The following PHEX variants were observed in gnomAD, a reference collection of about 807,000 sequenced individuals.
The protein encoded by PHEX is phosphate regulating endopeptidase X-linked, also known as phosphate-regulating neutral endopeptidase PHEX.
A neutral mutation model predicts 68.0 loss-of-function variants in PHEX; 16 were observed. That is an observed-to-expected ratio of 0.24 (90% confidence interval 0.16 to 0.36). The LOEUF (loss-of-function observed/expected upper bound fraction) is 0.36, where lower values mean the gene tolerates loss of function less well. Among genes scored for constraint, PHEX ranks in the 10% least tolerant of loss-of-function variants. The pLI is 1.00. For synonymous variants in PHEX, 208 were observed against 205.1 expected, an observed-to-expected ratio of 1.01 and a Z score of -0.12; for missense variants, 480 against 575.5, an observed-to-expected ratio of 0.83 and a Z score of 1.70.
intron 15 of PHEX, among the ~76,000 whole-genome samples, chrX:22,203,450 G>A (rs1292414847): frequency 9.1e-6 from 1 of 110,135 alleles, no homozygotes; most frequent in Non-Finnish European, 1.9e-5. Context: ...TTTCTGGAAA[G>A]GGGAAGGTTG....
At chrX:22,040,090 A>G (rs1237804552) in intron 2 of PHEX, among the ~76,000 whole-genome samples, 2 of 111,888 alleles carry the variant, frequency 1.8e-5, no homozygotes, top group Non-Finnish European at 3.8e-5. Context: ...CTCCTAAATC[A>G]GTGTTAGGGC....
chrX:22,223,942 G>C (rs1239641821), intron 18 of PHEX, among the ~76,000 whole-genome samples: 2 of 112,557 alleles, frequency 1.8e-5, no homozygotes, highest in African/African-American at 3.2e-5. Flanking sequence ...TCATCACTCT[G>C]TCTTAGGTTC....
intron 15 of PHEX, among the ~76,000 whole-genome samples, chrX:22,209,744 G>GCTCCCTCTCCTCCCTCTCCTCCCTCTC (rs1215563079): frequency 1.5e-5 from 1 of 68,364 alleles, no homozygotes; most frequent in African/African-American, 7.5e-5. Flanking sequence ...TGCTCCCTCT[G>GCTCCCTCTCCTCCCTCTCCTCCCTCTC]CTCCCTCTCC....
At position 22,245,421 on chromosome X, in the gene PHEX, A is replaced by T; in HGVS notation, c.2147+12A>T. ...CCCCCTCAGTTTAGGTAAATGGGCAAATGGGTGACGGCAGTTTTTAACTGT... is the reference window on the plus strand; with the variant it reads ...CCCCCTCAGTTTAGGTAAATGGGCATATGGGTGACGGCAGTTTTTAACTGT... On this transcript the variant is annotated intron_variant, in intron 21 of 21. Transcript: ENST00000379374. 8.8e-7 allele frequency: 1 copy of T among 1,140,547 alleles called. No individual in the cohort carries two copies. Among genetic ancestry groups the T allele is most frequent in the Non-Finnish European group, 1.2e-6 (1 of 830,994 alleles). 94.0% of individuals were successfully genotyped at this position (1,140,547 alleles called of 1,213,427 possible).
At chrX:22,231,760 C>G (rs1178446860) in intron 20 of PHEX, among the ~76,000 whole-genome samples, 1 of 111,752 alleles carries the variant, frequency 8.9e-6, no homozygotes, top group Non-Finnish European at 1.9e-5. Context: ...TTTTGTGTCT[C>G]TATCTCCTTC....
intron 3 of PHEX, among the ~76,000 whole-genome samples, chrX:22,061,675 C>T (rs762038171): frequency 9.0e-6 from 1 of 111,265 alleles, no homozygotes; most frequent in South Asian, 3.8e-4. Flanking sequence ...ACAGAGGCAC[C>T]AAGCAGTATA....
At chrX:22,107,772 ATTAT>A (rs1351867857) in intron 9 of PHEX, among the ~76,000 whole-genome samples, 1 of 111,847 alleles carries the variant, frequency 8.9e-6, no homozygotes, top group Non-Finnish European at 1.9e-5. Flanking sequence ...CTACCAAATC[ATTAT>A]TTATGCACTT....
intron 21 of PHEX, among the ~76,000 whole-genome samples, chrX:22,246,929 T>G (rs897276076): frequency 1.8e-5 from 2 of 111,353 alleles, no homozygotes; most frequent in South Asian, 3.8e-4. Context: ...GGGAAGTTTT[T>G]TGTGTGTGTG....
chrX:22,095,583 A>G (rs779387166), intron 7 of PHEX, among the ~76,000 whole-genome samples: 1 of 111,910 alleles, frequency 8.9e-6, no homozygotes, highest in African/African-American at 3.2e-5. Flanking sequence ...GTGGAAGAGG[A>G]GTGTGGATAT....
At position 22,237,128 on chromosome X, in the gene PHEX, T is replaced by C. The variant is rs370370415; in HGVS notation, c.2071-8205T>C. ...AAAATTACTTTCCCTCCTGGGAAGG[T>C]ACTAAGAAAACAGTAGCAGGCATAA... On this transcript the variant is annotated intron_variant, in intron 20 of 21. Transcript: ENST00000379374. Among the ~76,000 whole-genome samples the C allele has an allele frequency of 5.3e-5, 6 of 112,363 alleles. No homozygotes were observed. In the East Asian group the frequency reaches 1.1e-3, roughly 21 times the overall value.
intron 18 of PHEX, among the ~76,000 whole-genome samples, chrX:22,226,241 A>G (rs755034796): frequency 9.0e-6 from 1 of 111,384 alleles, no homozygotes; most frequent in African/African-American, 3.3e-5. Context: ...TGAAATAGAA[A>G]GTATTACATT....
In PHEX at chrX:22,249,334, C is replaced by T. The variant is rs1262620994; in HGVS notation, c.*1381C>T. The T allele has an allele frequency of 9.9e-6, 1 of 101,410 alleles. No homozygotes were observed. The highest frequency in any genetic ancestry group is 2.0e-5 in the Non-Finnish European group (1 of 50,563). 8.4% of individuals were successfully genotyped at this position (101,410 alleles called of 1,213,427 possible). ...TACTCCCTTTACATTATTCATTAGA[C>T]ATGAGGTGCTGGGTTAAGTGGGCCA... On this transcript the variant is annotated 3_prime_UTR_variant, in exon 22 of 22. Transcript: ENST00000379374.
chrX:22,126,030 C>G (rs904486804), intron 11 of PHEX, among the ~76,000 whole-genome samples: 2 of 111,907 alleles, frequency 1.8e-5, no homozygotes, highest in African/African-American at 6.5e-5. Flanking sequence ...ATAAATTGAT[C>G]AGCTTGTATT....
intron 3 of PHEX, among the ~76,000 whole-genome samples, chrX:22,074,292 A>G (rs772018970): frequency 9.1e-6 from 1 of 109,451 alleles, no homozygotes; most frequent in Admixed American, 9.9e-5. Context: ...GCTCAGAGAG[A>G]AGGAAAGAAG....
At position 22,094,087 on chromosome X, in the gene PHEX, T is replaced by C. The variant is rs1930026062; in HGVS notation, c.837T>C (p.Ile279=). The C allele has an allele frequency of 1.8e-6, 2 of 1,125,290 alleles. No homozygotes were observed. The highest frequency in any genetic ancestry group is 1.8e-5 in the African/African-American group (1 of 56,334). 92.7% of individuals were successfully genotyped at this position (1,125,290 alleles called of 1,213,427 possible). ...HDMKSVLRLE[I]KIAEIMIPHE... ...TGAAGTCAGTGCTCAGATTGGAAATTAAGATAGCTGAGGTAAGTCTTCACT... is the reference window on the plus strand; with the variant it reads ...TGAAGTCAGTGCTCAGATTGGAAATCAAGATAGCTGAGGTAAGTCTTCACT... The change falls in exon 7 of 22, where the codon ATT becomes ATC. Residue 279 remains isoleucine, a synonymous_variant. Coordinates refer to ENST00000379374, the MANE Select transcript of PHEX (RefSeq NM_000444.6).
intron 20 of PHEX, among the ~76,000 whole-genome samples, chrX:22,241,228 C>G (rs908469331): frequency 1.8e-5 from 2 of 111,682 alleles, no homozygotes; most frequent in East Asian, 2.8e-4. Flanking sequence ...TTGAAACTAA[C>G]GAGAACAAAG....
chrX:22,062,488 G>A (rs1453330327), intron 3 of PHEX, among the ~76,000 whole-genome samples: 1 of 111,444 alleles, frequency 9.0e-6, no homozygotes, highest in Non-Finnish European at 1.9e-5. Flanking sequence ...ACTTACCCAT[G>A]AGGCATTTTC....
intron 11 of PHEX, among the ~76,000 whole-genome samples, chrX:22,123,827 C>CT (rs1282832525): frequency 6.9e-5 from 7 of 101,140 alleles, no homozygotes; most frequent in African/African-American, 3.0e-4. Flanking sequence ...AATATAATTT[C>CT]TTTTTCTTTT....
At chrX:22,155,020 G>A (rs929955182) in intron 12 of PHEX, among the ~76,000 whole-genome samples, 8 of 112,165 alleles carry the variant, frequency 7.1e-5, no homozygotes, top group African/African-American at 1.6e-4. Flanking sequence ...TAAGCAATTC[G>A]CCTGCCTCAG....
Sources: gnomAD v4.1 joint callset for allele counts (sites outside exome capture counted in the v4.1 genomes callset) on GRCh38, gnomAD v4.1.1 for gene constraint, MANE v1.5 for transcripts, NCBI Gene and HGNC (gene_info 2026-07-23, HGNC 2026-07-21) for gene names.